PYM1: variants seen among roughly 807,000 people sequenced by gnomAD.
The protein encoded by PYM1 is PYM1 exon junction complex associated factor.
A neutral mutation model predicts 20.7 loss-of-function variants in PYM1; 7 were observed. That is an observed-to-expected ratio of 0.34 (90% CI 0.19 to 0.64). The LOEUF (loss-of-function observed/expected upper bound fraction) is 0.64. Among genes scored for constraint, PYM1 ranks in the 30% least tolerant of loss-of-function variants. PYM1 has a pLI of 0.74. For synonymous variants in PYM1, 100 were observed against 99.2 expected, an observed-to-expected ratio of 1.01 and a Z score of -0.05; for missense variants, 194 against 250.0, an observed-to-expected ratio of 0.78 and a Z score of 1.51.
chr12:55,912,689 G>A (rs2136262878), intron 1 of PYM1, among the ~76,000 whole-genome samples: 1 of 152,280 alleles, frequency 6.6e-6, no homozygotes, highest in East Asian at 1.9e-4. Flanking sequence ...ATTTGGCTGG[G>A]TGCAGTGGTT....
intron 1 of PYM1, 135 bp from the exon 2 acceptor site, chr12:55,903,615 A>C: frequency 1.4e-6 from 1 of 725,336 alleles, no homozygotes; most frequent in Non-Finnish European, 2.3e-6. Context: ...TCCTTTTCTC[A>C]TACCAACACT....
chr12:55,925,715 A>T (rs542490864), intron 1 of PYM1, among the ~76,000 whole-genome samples: 2 of 152,330 alleles, frequency 1.3e-5, no homozygotes, highest in South Asian at 4.1e-4. Context: ...AAAGCAGTTT[A>T]TTCCTTTTTC....
rs1210032861 is a variant in PYM1 at position 55,901,890 on chromosome 12, G to C, written c.597C>G (p.Asp199Glu). 4 of 1,610,266 alleles carry C rather than the reference G, an allele frequency of 2.5e-6. No individual in the cohort carries two copies. Among genetic ancestry groups the C allele is most frequent in the Non-Finnish European group, 3.4e-6 (4 of 1,178,644 alleles). Residue 199 changes from aspartate to glutamate, a missense_variant, in exon 3 of 3, where the codon GAC becomes GAG. Transcript: ENST00000408946. ...RRRALEEELE[D>E]LELGL ...AAAGGCCTCAGAGGCCTAACTCCAA[G>C]TCCTCTAACTCCTCTTCTAGCGCCC...
At chr12:55,924,761 C>T (rs1256418536) in intron 1 of PYM1, among the ~76,000 whole-genome samples, 1 of 152,254 alleles carries the variant, frequency 6.6e-6, no homozygotes, top group East Asian at 1.9e-4. Flanking sequence ...ACTGCAACCT[C>T]TGCCTCCTGG....
intron 1 of PYM1, among the ~76,000 whole-genome samples, chr12:55,917,970 C>T (rs1883036042): frequency 6.6e-6 from 1 of 151,090 alleles, no homozygotes; most frequent in Non-Finnish European, 1.5e-5. Flanking sequence ...AAAAAACAAA[C>T]AAACAAACAA....
intron 1 of PYM1, among the ~76,000 whole-genome samples, chr12:55,925,438 C>T (rs1232854318): frequency 6.6e-6 from 1 of 152,126 alleles, no homozygotes; most frequent in East Asian, 1.9e-4. Context: ...TGATGTGCAA[C>T]TGGTTTGAAA....
intron 1 of PYM1, among the ~76,000 whole-genome samples, chr12:55,921,022 A>C (rs183754237): frequency 4.6e-5 from 7 of 152,344 alleles, no homozygotes; most frequent in Admixed American, 2.6e-4. Flanking sequence ...TGCACTTAAG[A>C]AGCAGTAATC....
intron 1 of PYM1, among the ~76,000 whole-genome samples, chr12:55,909,500 T>C (rs1040541220): frequency 1.3e-4 from 20 of 152,048 alleles, no homozygotes; most frequent in African/African-American, 4.8e-4. Context: ...AGTATTGTCT[T>C]AGGGCTTTGA....
intron 1 of PYM1, among the ~76,000 whole-genome samples, chr12:55,907,525 T>C (rs1163580810): frequency 6.7e-6 from 1 of 150,286 alleles, no homozygotes; most frequent in Non-Finnish European, 1.5e-5. Context: ...TCCCAGCTAC[T>C]TGGGAGGTTG....
Position 55,924,740 on chromosome 12 carries a change from G to A in PYM1, c.37+2985C>T, listed in dbSNP as rs140073094. ...CGCCCAGGCTGGAGTGCAGTGGTGCGAACTCAGCTCACTGCAACCTCTGCC... is the reference window on the plus strand; with the variant it reads ...CGCCCAGGCTGGAGTGCAGTGGTGCAAACTCAGCTCACTGCAACCTCTGCC... On this transcript the variant is annotated intron_variant, in intron 1 of 2. Transcript: ENST00000408946. Among the ~76,000 whole-genome samples, 741 of 152,214 alleles carry A rather than the reference G, an allele frequency of 4.9e-3. 7 individuals carry two copies. Among genetic ancestry groups the A allele is most frequent in the African/African-American group, 0.015 (642 of 41,532 alleles).
intron 1 of PYM1, among the ~76,000 whole-genome samples, chr12:55,926,102 TCTACAGA>T (rs1181434882): frequency 6.6e-6 from 1 of 152,214 alleles, no homozygotes; most frequent in African/African-American, 2.4e-5. Flanking sequence ...CACTGTTGCT[TCTACAGA>T]CTACAGACTA....
chr12:55,906,594 T>C (rs1882820687), intron 1 of PYM1, among the ~76,000 whole-genome samples: 1 of 152,180 alleles, frequency 6.6e-6, no homozygotes, highest in African/African-American at 2.4e-5. Context: ...TTAAGGGTCC[T>C]GAACCACACT....
chr12:55,914,410 A>G (rs1244591962), intron 1 of PYM1: 4 of 701,800 alleles, frequency 5.7e-6, no homozygotes, highest in African/African-American at 3.5e-5. Context: ...CTTTCAGATA[A>G]TATCTTGCAG....
rs984018902 is a variant in PYM1, at chr12:55,926,983, G to A, written c.37+742C>T. 8 of 1,342,018 alleles carry A rather than the reference G, an allele frequency of 6.0e-6. No individual in the cohort carries two copies. The African/African-American group carries it at 1.0e-4, about 17-fold the overall frequency. 83.1% of individuals were successfully genotyped at this position (1,342,018 alleles called of 1,614,324 possible). A position where few individuals can be genotyped will look rare whatever the true frequency, so the allele number is the denominator to read the frequency against. ...GTCCGGGGGGCGGGGCAAAGGAGGG[G>A]CCCCGGGATGGGCGGGGCACAGACC... On this transcript the variant is annotated intron_variant, in intron 1 of 2. Coordinates refer to ENST00000408946, the MANE Select transcript of PYM1 (RefSeq NM_032345.3).
Position 55,919,116 on chromosome 12 carries a change from T to C in PYM1, c.37+8609A>G, listed in dbSNP as rs141097415. Among the ~76,000 whole-genome samples, 6 of 152,328 alleles carry C rather than the reference T, an allele frequency of 3.9e-5. No homozygotes were observed. In the East Asian group the frequency reaches 1.2e-3, roughly 29 times the overall value. ...CAAGATGGGAATATGGTTTACAGTGTTTCTCAAAATTTGTGCACAGAAACA... is the reference window on the plus strand; with the variant it reads ...CAAGATGGGAATATGGTTTACAGTGCTTCTCAAAATTTGTGCACAGAAACA... On this transcript the variant is annotated intron_variant, in intron 1 of 2. Transcript: ENST00000408946.
intron 1 of PYM1, among the ~76,000 whole-genome samples, chr12:55,905,778 ATATTAT>A (rs199877321): frequency 6.0e-5 from 8 of 133,416 alleles, no homozygotes; most frequent in Non-Finnish European, 1.2e-4. Context: ...TATTATATAT[ATATTAT>A]TATTATTATA....
chr12:55,927,254 G>A, intron 1 of PYM1: 3 of 1,142,944 alleles, frequency 2.6e-6, no homozygotes, highest in Non-Finnish European at 3.9e-6. Flanking sequence ...GGAGGAGGAG[G>A]AAGAGTGGAG....
At chr12:55,926,382 G>A (rs930475775) in intron 1 of PYM1, among the ~76,000 whole-genome samples, 2 of 152,128 alleles carry the variant, frequency 1.3e-5, no homozygotes, top group Admixed American at 1.3e-4. Context: ...AAGGAATAGT[G>A]GGTTTTATTC....
intron 1 of PYM1, among the ~76,000 whole-genome samples, chr12:55,920,040 T>A (rs372943074): frequency 6.6e-6 from 1 of 151,386 alleles, no homozygotes; most frequent in Non-Finnish European, 1.5e-5. Flanking sequence ...TATAAAAAAA[T>A]TCAAAAATTA....
Sources: gnomAD v4.1 joint callset for allele counts (sites outside exome capture counted in the v4.1 genomes callset) on GRCh38, gnomAD v4.1.1 for gene constraint, MANE v1.5 for transcripts, NCBI Gene and HGNC (gene_info 2026-07-23, HGNC 2026-07-21) for gene names.